The following ANO4 variants were observed in gnomAD, a reference collection of about 807,000 sequenced individuals.
The protein encoded by ANO4 is anoctamin-4.
Under a neutral mutation model 141.9 loss-of-function variants are expected in ANO4, and 69 were observed. The observed-to-expected ratio is 0.49, with a 90% CI of 0.40 to 0.59. The LOEUF (loss-of-function observed/expected upper bound fraction) is 0.59. Ranked by LOEUF, ANO4 falls within the 20% of genes least tolerant of loss-of-function variation. ANO4 has a pLI of 0.00. For missense variants in ANO4, 894 were observed against 1,162.2 expected (o/e 0.77, Z 3.36); for synonymous variants, 350 against 394.3 (o/e 0.89, Z 1.33).
At chr12:101,114,278 T>C (rs927867875) in intron 24 of ANO4, among the ~76,000 whole-genome samples, 11 of 152,218 alleles carry the variant, frequency 7.2e-5, no homozygotes, top group African/African-American at 2.4e-4. Flanking sequence ...TATTTGATAT[T>C]GACAATAGCT....
rs139445350 is a variant in ANO4 at position 100,809,619 on chromosome 12, C to T, written c.-141+14592C>T. On this transcript the variant is annotated intron_variant, in intron 1 of 27. Transcript: ENST00000392977. ...AAGGCACTGGGGCATGAATCAGTTA[C>T]AAGTTATTCAGTCTATGGGGCTTAG... is the stretch of plus-strand genomic sequence containing the variant. Among the ~76,000 whole-genome samples the T allele has an allele frequency of 7.0e-4, 106 of 152,274 alleles. 2 individuals carry two copies. Among genetic ancestry groups the T allele is most frequent in the Non-Finnish European group, 3.1e-4 (21 of 68,024 alleles).
intron 9 of ANO4, among the ~76,000 whole-genome samples, chr12:101,024,446 A>G (rs1327931959): frequency 6.6e-6 from 1 of 152,154 alleles, no homozygotes; most frequent in Non-Finnish European, 1.5e-5. Context: ...AAATACAAAA[A>G]TTAGCTGAGC....
At chr12:100,776,259 G>A (rs139553429) in intron 3 of ANO4, among the ~76,000 whole-genome samples, 1 of 152,270 alleles carries the variant, frequency 6.6e-6, no homozygotes, top group Non-Finnish European at 1.5e-5. Context: ...CCTATGTCCT[G>A]GATGCCCAGG....
chr12:100,857,154 G>A (rs1381781178), intron 1 of ANO4, among the ~76,000 whole-genome samples: 1 of 152,088 alleles, frequency 6.6e-6, no homozygotes, highest in Non-Finnish European at 1.5e-5. Context: ...AGGGACATTT[G>A]GAGGTCACTG....
intron 5 of ANO4, among the ~76,000 whole-genome samples, chr12:100,955,287 G>A (rs545176860): frequency 6.6e-6 from 1 of 152,232 alleles, no homozygotes. Flanking sequence ...AGTCGGAGCA[G>A]CACTACTAGT....
At chr12:100,974,763 C>A in intron 6 of ANO4, 82 bp from the exon 7 acceptor site, 1 of 1,451,444 alleles carries the variant, frequency 6.9e-7, no homozygotes, top group Non-Finnish European at 9.7e-7. Context: ...TATCTTCAAT[C>A]TCCTTTCCTT....
intron 22 of ANO4, among the ~76,000 whole-genome samples, chr12:101,104,691 T>C (rs1171577823): frequency 7.1e-6 from 1 of 141,444 alleles, no homozygotes; most frequent in African/African-American, 2.6e-5. Flanking sequence ...ATTTACCTTA[T>C]GCTCCTTTAT....
At chr12:100,783,946 C>T (rs535433550) in intron 3 of ANO4, among the ~76,000 whole-genome samples, 1 of 151,588 alleles carries the variant, frequency 6.6e-6, no homozygotes, top group Non-Finnish European at 1.5e-5. Flanking sequence ...ATTAGTGGGA[C>T]CTAACCTAAT....
chr12:101,013,214 T>A (rs2046174957), intron 8 of ANO4, among the ~76,000 whole-genome samples: 1 of 152,200 alleles, frequency 6.6e-6, no homozygotes, highest in Admixed American at 6.5e-5. Flanking sequence ...GAGTTTTTTC[T>A]TAGACATCAA....
intron 3 of ANO4, among the ~76,000 whole-genome samples, chr12:100,778,390 T>C (rs2033603639): frequency 6.6e-6 from 1 of 152,172 alleles, no homozygotes; most frequent in South Asian, 2.1e-4. Flanking sequence ...ACAAGTATAA[T>C]TTAATTAACT....
chr12:101,119,135 T>A (rs2137049597), intron 25 of ANO4, among the ~76,000 whole-genome samples: 1 of 152,110 alleles, frequency 6.6e-6, no homozygotes, highest in South Asian at 2.1e-4. Flanking sequence ...GCTTTCTTTT[T>A]CAAAGCTTTC....
intron 1 of ANO4, among the ~76,000 whole-genome samples, chr12:100,805,415 A>T (rs2034949320): frequency 6.6e-6 from 1 of 151,972 alleles, no homozygotes; most frequent in South Asian, 2.1e-4. Flanking sequence ...TTTGCTTAGG[A>T]TTGTCTTGGC....
rs2044764841 is a variant in ANO4 at position 100,987,558 on chromosome 12, A to T, written c.622A>T (p.Arg208Trp). ...FMSRIDKQIS[R>W]FRRWLPKKPM... ...CCACAGGATCGATAAACAAATAAGCAGGTTTCGGAGATGGTTACCTAAGAA... is the reference window on the plus strand; with the variant it reads ...CCACAGGATCGATAAACAAATAAGCTGGTTTCGGAGATGGTTACCTAAGAA... The change falls in exon 8 of 28, where the codon AGG becomes TGG. Residue 208 changes from arginine to tryptophan, a missense_variant. By Grantham distance (101) the Arg-to-Trp change is moderately radical. This residue lies in a region of ANO4 where 257 missense variants were observed against 253.0 expected (regional missense o/e 1.02). Coordinates refer to ENST00000392977, the MANE Select transcript of ANO4 (RefSeq NM_001286615.2). The T allele has an allele frequency of 6.2e-7, 1 of 1,613,960 alleles. No individual in the cohort carries two copies. Among genetic ancestry groups the T allele is most frequent in the Admixed American group, 1.7e-5 (1 of 59,988 alleles).
chr12:100,757,232 C>G (rs920773262), intron 3 of ANO4, among the ~76,000 whole-genome samples: 3 of 152,206 alleles, frequency 2.0e-5, no homozygotes, highest in African/African-American at 7.2e-5. Context: ...TATCCCCAAT[C>G]TCCCTGCCTT....
chr12:100,919,704 G>GTGTGTA (rs1491099261), intron 2 of ANO4, among the ~76,000 whole-genome samples: 372 of 119,656 alleles, frequency 3.1e-3, no homozygotes, highest in African/African-American at 0.012. Flanking sequence ...GTGTGTGTGT[G>GTGTGTA]TATGTATGTA....
chr12:100,897,577 G>T (rs140419304), intron 1 of ANO4, among the ~76,000 whole-genome samples: 15 of 152,304 alleles, frequency 9.8e-5, no homozygotes, highest in African/African-American at 3.1e-4. Flanking sequence ...TCCGAAAACT[G>T]CACAATATGA....
chr12:101,011,148 A>C (rs2046070360), intron 8 of ANO4, among the ~76,000 whole-genome samples: 1 of 152,132 alleles, frequency 6.6e-6, no homozygotes, highest in Non-Finnish European at 1.5e-5. Context: ...GTGGGCAAGA[A>C]TGGAAGCTGC....
At chr12:101,048,052 T>C (rs892301985) in intron 13 of ANO4, 64 of 1,182,296 alleles carry the variant, frequency 5.4e-5, no homozygotes, top group Non-Finnish European at 6.6e-5. Context: ...ATAAGAGTTT[T>C]GTTGTGCACA....
intron 14 of ANO4, among the ~76,000 whole-genome samples, chr12:101,062,375 G>A (rs1202846064): frequency 6.6e-6 from 1 of 152,220 alleles, no homozygotes; most frequent in African/African-American, 2.4e-5. Flanking sequence ...GGACCCACTT[G>A]AGGAGGTAGT....
Sources: gnomAD v4.1 joint callset for allele counts (sites outside exome capture counted in the v4.1 genomes callset) on GRCh38, gnomAD v4.1.1 for gene constraint, gnomAD v4.1.1 regional missense constraint, MANE v1.5 for transcripts, NCBI Gene and HGNC (gene_info 2026-07-23, HGNC 2026-07-21) for gene names.